Variants in UPK1B observed in about 807,000 individuals in gnomAD.
UPK1B encodes the protein uroplakin-1b.
UPK1B carries 28 observed loss-of-function variants against 34.2 expected under a neutral mutation model. The ratio of observed to expected loss-of-function variants is 0.82; its 90% CI spans 0.61 to 1.12. UPK1B has a LOEUF of 1.12. Ranked by LOEUF, UPK1B falls within the 50% of genes most tolerant of loss-of-function variation. UPK1B has a pLI of 0.00. For missense variants in UPK1B, 325 were observed against 320.9 expected, an observed-to-expected ratio of 1.01 and a Z score of -0.10; for synonymous variants, 81 against 110.4, an observed-to-expected ratio of 0.73 and a Z score of 1.67.
intron 7 of UPK1B, among the ~76,000 whole-genome samples, chr3:119,200,743 C>A (rs2078087307): frequency 6.6e-6 from 1 of 152,292 alleles, no homozygotes; most frequent in East Asian, 1.9e-4. Flanking sequence ...AGTTGTTTTC[C>A]TTGAAGTGAC....
chr3:119,199,496 T>A (rs112130658), intron 7 of UPK1B, among the ~76,000 whole-genome samples: 3 of 152,344 alleles, frequency 2.0e-5, no homozygotes, highest in African/African-American at 7.2e-5. Flanking sequence ...TCAAAGACTG[T>A]CACCTATCTA....
At chr3:119,189,098 G>A (rs918742573) in intron 3 of UPK1B, among the ~76,000 whole-genome samples, 1 of 152,158 alleles carries the variant, frequency 6.6e-6, no homozygotes, top group Non-Finnish European at 1.5e-5. Flanking sequence ...CTGACAACCA[G>A]GAGAACTGAG....
At chr3:119,191,799 C>T (rs567024376) in intron 5 of UPK1B, among the ~76,000 whole-genome samples, 1 of 152,274 alleles carries the variant, frequency 6.6e-6, no homozygotes, top group East Asian at 1.9e-4. Flanking sequence ...GCTAGGTGTC[C>T]TTCTTGCTCC....
intron 6 of UPK1B, 26 bp downstream of exon 6, chr3:119,194,424 T>TC: frequency 6.3e-7 from 1 of 1,584,298 alleles, no homozygotes; most frequent in Non-Finnish European, 8.6e-7. Context: ...TCCCAAGACT[T>TC]CCCAGGAGGT....
rs1244820666 is a variant in UPK1B, at chr3:119,178,063, G to A, written c.-29+4425G>A. Among the ~76,000 whole-genome samples, 6 of 151,106 alleles carry A rather than the reference G, an allele frequency of 4.0e-5. No individual in the cohort carries two copies. The Middle Eastern group carries it at 0.01, about 257-fold the overall frequency. ...AGGGACACCCTAAGCACAGCATGGT[G>A]GCATGACCAGGACACCAAAGGGTTG... On this transcript the variant is annotated intron_variant, in intron 1 of 7. Transcript: ENST00000264234.
intron 1 of UPK1B, among the ~76,000 whole-genome samples, chr3:119,174,892 A>AT (rs5852188): frequency 0.25 from 35,205 of 139,382 alleles, 4,528 homozygotes; most frequent in Middle Eastern, 0.29. Context: ...CAACTCACCT[A>AT]TTTTTTTTTT....
intron 7 of UPK1B, among the ~76,000 whole-genome samples, chr3:119,199,619 A>G (rs181877734): frequency 2.0e-5 from 3 of 152,296 alleles, no homozygotes; most frequent in African/African-American, 7.2e-5. Context: ...AAGAGGTTGG[A>G]GCGGTGGTTC....
Position 119,179,536 on chromosome 3 carries a change from G to C in UPK1B, c.-29+5898G>C, listed in dbSNP as rs973278776. Among the ~76,000 whole-genome samples the C allele has an allele frequency of 3.0e-4, 5 of 16,826 alleles. 1 individual carries two copies. The highest frequency in any genetic ancestry group is 4.2e-3 in the East Asian group (2 of 474). 11.0% of individuals were successfully genotyped at this position (16,826 alleles called of 152,430 possible). A position where few individuals can be genotyped will look rare whatever the true frequency, so the allele number is the denominator to read the frequency against. ...TTTTTTTTTTTTTTTTTGAGACGGA[G>C]TCTCGCTCTGTCGCCCAGGCTGGAG... On this transcript the variant is annotated intron_variant, in intron 1 of 7. Transcript: ENST00000264234.
chr3:119,201,644 T>C (rs1442893505), intron 7 of UPK1B, among the ~76,000 whole-genome samples: 1 of 152,130 alleles, frequency 6.6e-6, no homozygotes, highest in African/African-American at 2.4e-5. Flanking sequence ...CACTATGCTT[T>C]AAGAAATGCT....
rs2078057052 is a variant in UPK1B at position 119,194,301 on chromosome 3, A to G, written c.551A>G (p.Tyr184Cys). ...CGGACTGAGAATAATGATGCTGACT[A>G]TCCCTGGCCTCGTCAATGCTGTGTT... ...AFRTENNDAD[Y>C]PWPRQCCVMN... is the part of the protein sequence containing the mutation. Residue 184 changes from tyrosine to cysteine, a missense_variant, in exon 6 of 8, where the codon TAT (tyrosine) becomes TGT (cysteine). Physicochemically the swap from Tyr to Cys is radical, Grantham distance 194 (BLOSUM62 -2). Transcript: ENST00000264234. 1 of 1,614,104 alleles carries G rather than the reference A, an allele frequency of 6.2e-7. No homozygotes were observed. Among genetic ancestry groups the G allele is most frequent in the Non-Finnish European group, 8.5e-7 (1 of 1,179,958 alleles).
chr3:119,196,197 T>A, intron 6 of UPK1B, among the ~76,000 whole-genome samples: 1 of 152,170 alleles, frequency 6.6e-6, no homozygotes, highest in East Asian at 1.9e-4. Flanking sequence ...TATCTATTAG[T>A]CCTTTCTGAT....
rs775326956 is a variant in UPK1B at position 119,191,059 on chromosome 3, GA to G, written c.428del (p.Asn143ThrfsTer20). 6.2e-7 allele frequency: 1 copy of G among 1,614,018 alleles called. No individual in the cohort carries two copies. The highest frequency in any genetic ancestry group is 8.5e-7 in the Non-Finnish European group (1 of 1,179,946). ...NSPPNNDDQW[K>X]NNGVTKTWDR... ...GCCCTCCAAACAATGATGACCAGTG[GA>G]AAAACAATGGAGTCACCAAAACCTG... On this transcript the variant is annotated frameshift_variant, in exon 5 of 8. Transcript: ENST00000264234. LOFTEE classifies it high-confidence loss of function.
intron 1 of UPK1B, among the ~76,000 whole-genome samples, chr3:119,175,656 A>T (rs544156093): frequency 3.2e-4 from 48 of 152,058 alleles, no homozygotes; most frequent in African/African-American, 1.2e-3. Flanking sequence ...GCTTACAGCT[A>T]GTCCCTGATT....
chr3:119,185,214 A>C (rs1264490549), intron 1 of UPK1B, among the ~76,000 whole-genome samples: 2 of 152,202 alleles, frequency 1.3e-5, no homozygotes, highest in Non-Finnish European at 2.9e-5. Context: ...TTTTAACTGA[A>C]CTTGTCACAG....
chr3:119,188,029 C>A (rs1341039046), intron 3 of UPK1B, 54 bp downstream of exon 3: 5 of 1,572,882 alleles, frequency 3.2e-6, no homozygotes, highest in South Asian at 1.1e-5. Context: ...GTAATGGATT[C>A]TTTCTTCTTC....
chr3:119,203,108 C>T (rs2078099671), intron 7 of UPK1B, among the ~76,000 whole-genome samples: 3 of 151,858 alleles, frequency 2.0e-5, no homozygotes, highest in African/African-American at 4.8e-5. Context: ...TTTGGGAGGC[C>T]GAGACGGGCA....
At chr3:119,194,624 A>G (rs1027502278) in intron 6 of UPK1B, among the ~76,000 whole-genome samples, 3 of 152,258 alleles carry the variant, frequency 2.0e-5, no homozygotes, top group African/African-American at 7.2e-5. Context: ...GAGAATTGCA[A>G]TAGCAGAACC....
At chr3:119,177,665 C>G (rs1475088689) in intron 1 of UPK1B, among the ~76,000 whole-genome samples, 1 of 152,158 alleles carries the variant, frequency 6.6e-6, no homozygotes, top group Non-Finnish European at 1.5e-5. Context: ...TGACACCCGT[C>G]AATTAATTTA....
At chr3:119,178,458 G>A (rs1477548241) in intron 1 of UPK1B, among the ~76,000 whole-genome samples, 1 of 152,158 alleles carries the variant, frequency 6.6e-6, no homozygotes, top group Non-Finnish European at 1.5e-5. Flanking sequence ...TAAGCAGGGG[G>A]GAGATATAAA....
Sources: allele counts gnomAD v4.1 joint callset (sites outside exome capture counted in the v4.1 genomes callset), GRCh38; gene constraint gnomAD v4.1.1; transcripts MANE v1.5; gene names NCBI Gene and HGNC (gene_info 2026-07-23, HGNC 2026-07-21).